PPP2R5D: variants seen among roughly 807,000 people sequenced by gnomAD.
PPP2R5D encodes the protein serine/threonine-protein phosphatase 2A 56 kDa regulatory subunit delta isoform.
In PPP2R5D, 12 loss-of-function variants were observed where a neutral mutation model predicts 79.1. The ratio of observed to expected loss-of-function variants is 0.15; its 90% CI spans 0.10 to 0.25. The LOEUF is 0.25. PPP2R5D is among the 10% of genes least tolerant of loss of function. The probability of loss-of-function intolerance (pLI) is 1.00; values close to 1 mark genes in which losing one functional copy is unlikely to be tolerated. For synonymous variants in PPP2R5D, 277 were observed against 286.6 expected (o/e 0.97, Z 0.34); for missense variants, 419 against 760.2 (o/e 0.55, Z 5.28).
chr6:42,993,569 G>A (rs1771426708), intron 2 of PPP2R5D, among the ~76,000 whole-genome samples: 1 of 152,222 alleles, frequency 6.6e-6, no homozygotes, highest in African/African-American at 2.4e-5. Context: ...GTCCTTCTGA[G>A]GTTCTAAGGA....
rs989743114 is a variant in PPP2R5D, at chr6:43,007,925, G to A, written c.727-10G>A. ...CCTCACTGGCTGCTTTCCCTCCCTT[G>A]TACCCCCAGCTCCTAGACCTATTTG... On this transcript the variant is annotated splice_polypyrimidine_tract_variant and intron_variant, in intron 6 of 15. Transcript: ENST00000485511. The surrounding 1 kb of genome is among the most constrained non-coding windows in gnomAD (Gnocchi z 4.5). The A allele has an allele frequency of 3.1e-6, 5 of 1,613,686 alleles. No individual in the cohort carries two copies. Among genetic ancestry groups the A allele is most frequent in the South Asian group, 1.1e-5 (1 of 91,084 alleles).
intron 2 of PPP2R5D, among the ~76,000 whole-genome samples, chr6:42,994,073 G>A (rs188547283): frequency 1.4e-4 from 21 of 152,250 alleles, no homozygotes; most frequent in African/African-American, 4.1e-4. Context: ...TTGGGAGGCC[G>A]AGGAGGGCAG....
Position 43,008,831 on chromosome 6 carries a change from G to A in PPP2R5D, c.1080+85G>A, listed in dbSNP as rs1762220263. The A allele has an allele frequency of 8.1e-6, 12 of 1,476,184 alleles. No homozygotes were observed. The highest frequency in any genetic ancestry group is 1.8e-5 in the Admixed American group (1 of 54,782). The allele number at this position is 1,476,184 out of a possible 1,614,324, so 91.4% of individuals were successfully genotyped here. ...GTACCTACTGGGGGTGCCATAAGGG[G>A]GAACTCAGGAGGGCTGTGACCTGAC... On this transcript the variant is annotated intron_variant, in intron 10 of 15. Transcript: ENST00000485511. This position sits in a 1 kb window ranked among gnomAD's most constrained non-coding sequence, Gnocchi z 4.2.
chr6:43,009,375 A>G lies in PPP2R5D; in HGVS notation c.1305A>G (p.Ile435Met), dbSNP rs1274984570. 1 of 1,614,112 alleles carries G rather than the reference A, an allele frequency of 6.2e-7. No homozygotes were observed. Among genetic ancestry groups the G allele is most frequent in the South Asian group, 1.1e-5 (1 of 91,078 alleles). ...YWNNEYIMSLISDNAARVLPI... is the reference protein window; with the variant it reads ...YWNNEYIMSLMSDNAARVLPI... ...ACAATGAGTACATCATGAGCCTGAT[A>G]AGTGACAATGCTGCCCGAGTCCTCC... Residue 435 changes from isoleucine (I) to methionine (M), a missense_variant, in exon 12 of 16, where the codon ATA becomes ATG. Physicochemically the swap from Ile to Met is conservative, Grantham distance 10. Around this residue, in one of 5 missense-constraint regions of PPP2R5D, gnomAD observed 196 missense variants for 424.5 expected, o/e 0.46. Coordinates refer to ENST00000485511, the MANE Select transcript of PPP2R5D (RefSeq NM_006245.4). The surrounding 1 kb of genome is among the most constrained non-coding windows in gnomAD (Gnocchi z 5.6).
intron 2 of PPP2R5D, among the ~76,000 whole-genome samples, chr6:43,004,749 GTTTTC>G (rs1474724780): frequency 3.4e-5 from 5 of 148,622 alleles, no homozygotes; most frequent in South Asian, 2.1e-4. Flanking sequence ...GTATTACATA[GTTTTC>G]TTTTCTTTTT....
At chr6:42,995,875 G>A (rs1484096727) in intron 2 of PPP2R5D, among the ~76,000 whole-genome samples, 1 of 146,264 alleles carries the variant, frequency 6.8e-6, no homozygotes, top group African/African-American at 2.5e-5. Context: ...CTGTGAGAGT[G>A]AGACAGTGAG....
rs1414203663 is a variant in PPP2R5D, at chr6:43,006,859, G to T, written c.323-52G>T. ...GGGAAAGCCCTTGAAGGCAAGCAGG[G>T]CATCGCAGTGAAGGACTACAGAGGA... On this transcript the variant is annotated intron_variant, in intron 3 of 15. Transcript: ENST00000485511. This position sits in a 1 kb window ranked among gnomAD's most constrained non-coding sequence, Gnocchi z 4.7. 1 of 1,604,034 alleles carries T rather than the reference G, an allele frequency of 6.2e-7. No homozygotes were observed. Among genetic ancestry groups the T allele is most frequent in the Non-Finnish European group, 8.5e-7 (1 of 1,172,834 alleles).
chr6:42,993,698 GTC>G (rs1042445443), intron 2 of PPP2R5D, among the ~76,000 whole-genome samples: 8 of 152,114 alleles, frequency 5.3e-5, no homozygotes, highest in African/African-American at 1.9e-4. Flanking sequence ...TCCTCCATGT[GTC>G]TCTGTCTCTG....
At chr6:42,989,096 G>T (rs964684107) in intron 1 of PPP2R5D, among the ~76,000 whole-genome samples, 4 of 152,196 alleles carry the variant, frequency 2.6e-5, no homozygotes, top group Non-Finnish European at 5.9e-5. Context: ...GGGCCTTACT[G>T]ATTAAATGCT....
Position 43,011,311 on chromosome 6 carries a change from C to T in PPP2R5D, c.*25C>T. The T allele has an allele frequency of 6.2e-7, 1 of 1,612,690 alleles. No individual in the cohort carries two copies. Among genetic ancestry groups the T allele is most frequent in the Non-Finnish European group, 8.5e-7 (1 of 1,179,752 alleles). ...ACCCCTCACGTTCCTACCACAGGGC[C>T]ACAGCCCACACAGCCCTGGGACACT... On this transcript the variant is annotated 3_prime_UTR_variant, in exon 16 of 16. Transcript: ENST00000485511.
At chr6:42,994,030 G>A (rs1171488568) in intron 2 of PPP2R5D, among the ~76,000 whole-genome samples, 1 of 152,132 alleles carries the variant, frequency 6.6e-6, no homozygotes, top group Admixed American at 6.5e-5. Context: ...ATGTTAACTG[G>A]GCACAGTGGC....
chr6:43,007,998 C>T lies in PPP2R5D; in HGVS notation c.790C>T (p.Arg264Cys), dbSNP rs758921014. Residue 264 changes from arginine (R) to cysteine (C), a missense_variant, in exon 7 of 16, where the codon CGC (arginine) becomes TGC (cysteine). Transcript: ENST00000485511. This position sits in a 1 kb window ranked among gnomAD's most constrained non-coding sequence, Gnocchi z 4.5. ...ERDFLKTILHRIYGKFLGLRA... is the reference protein window; with the variant it reads ...ERDFLKTILHCIYGKFLGLRA... The stretch of plus-strand genomic sequence containing the variant: ...GGACTTCCTCAAGACCATTTTGCAT[C>T]GCATCTATGGCAAGTTTTTGGGGCT... The T allele has an allele frequency of 2.5e-6, 4 of 1,614,130 alleles. No homozygotes were observed. The highest frequency in any genetic ancestry group is 8.5e-7 in the Non-Finnish European group (1 of 1,180,036).
At chr6:42,992,889 G>A (rs192517550) in intron 2 of PPP2R5D, among the ~76,000 whole-genome samples, 9 of 152,288 alleles carry the variant, frequency 5.9e-5, no homozygotes, top group East Asian at 3.9e-4. Flanking sequence ...GGCTGGGTGC[G>A]GTGGCTCACA....
intron 1 of PPP2R5D, among the ~76,000 whole-genome samples, chr6:42,986,886 ACT>A (rs1460319261): frequency 6.6e-6 from 1 of 151,468 alleles, no homozygotes; most frequent in Non-Finnish European, 1.5e-5. Flanking sequence ...GCCAGGCATA[ACT>A]CTCACCTCCC....
chr6:43,000,236 C>CTTTTTTTTTTTTTTTTTTTT lies in PPP2R5D; in HGVS notation c.106-6208_106-6207insTTTTTTTTTTTTTTTTTTTT, dbSNP rs1204045076. 1.3e-3 allele frequency among the ~76,000 whole-genome samples: 135 copies of CTTTTTTTTTTTTTTTTTTTT among 106,004 alleles called. 11 individuals are homozygous for CTTTTTTTTTTTTTTTTTTTT. Among genetic ancestry groups the CTTTTTTTTTTTTTTTTTTTT allele is most frequent in the African/African-American group, 4.2e-3 (86 of 20,288 alleles). The allele number at this position is 106,004 out of a possible 152,430, so 69.5% of individuals were successfully genotyped here. On this transcript the variant is annotated intron_variant, in intron 2 of 15. Transcript: ENST00000485511. Reference sequence around the variant, plus strand: ...GGCGTGAGCCACCACGTCTGGCCACCTTTTTTTTTTTTTTTTTTTGAGATA... The same window carrying CTTTTTTTTTTTTTTTTTTTT: ...GGCGTGAGCCACCACGTCTGGCCACCTTTTTTTTTTTTTTTTTTTTTTTTTTTTTTTTTTTTTTTGAGATA...
rs138611383 is a variant in PPP2R5D at position 42,994,851 on chromosome 6, C to T, written c.105+5163C>T. Reference sequence around the variant, plus strand: ...AAAAAAAAAATTAATGTCATAGACTCCTCTACGTGCTGAGCCCTGTCCTGA... The same window carrying T: ...AAAAAAAAAATTAATGTCATAGACTTCTCTACGTGCTGAGCCCTGTCCTGA... On this transcript the variant is annotated intron_variant, in intron 2 of 15. Coordinates refer to ENST00000485511, the MANE Select transcript of PPP2R5D (RefSeq NM_006245.4). 6.6e-3 allele frequency among the ~76,000 whole-genome samples: 1,008 copies of T among 151,942 alleles called. 5 individuals carry two copies. The highest frequency in any genetic ancestry group is 0.014 in the Middle Eastern group (4 of 294).
intron 2 of PPP2R5D, among the ~76,000 whole-genome samples, chr6:42,998,619 C>T (rs1771957926): frequency 6.6e-6 from 1 of 152,074 alleles, no homozygotes; most frequent in South Asian, 2.1e-4. Context: ...AAGTGAGGGC[C>T]AGGTATGGTG....
chr6:42,997,540 G>C (rs1050525770), intron 2 of PPP2R5D, among the ~76,000 whole-genome samples: 2 of 149,806 alleles, frequency 1.3e-5, no homozygotes, highest in Admixed American at 1.3e-4. Flanking sequence ...ATGGAGTTTC[G>C]CTCTTGTTGC....
At chr6:43,000,255 T>TTTTTTTTTG (rs1772088181) in intron 2 of PPP2R5D, among the ~76,000 whole-genome samples, 1 of 147,694 alleles carries the variant, frequency 6.8e-6, no homozygotes, top group Admixed American at 6.8e-5. Flanking sequence ...TTTTTTTTTT[T>TTTTTTTTTG]GAGATAGAGT....
Sources: allele counts gnomAD v4.1 joint callset (sites outside exome capture counted in the v4.1 genomes callset), GRCh38; gene constraint gnomAD v4.1.1; regional missense constraint gnomAD v4.1.1; non-coding constraint Gnocchi (gnomAD v3.1); transcripts MANE v1.5; gene names NCBI Gene and HGNC (gene_info 2026-07-23, HGNC 2026-07-21).